The following ZBTB8OS variants were observed in gnomAD, a reference collection of about 807,000 sequenced individuals.
ZBTB8OS encodes tRNA-splicing ligase-activating factor archease.
A neutral mutation model predicts 29.3 loss-of-function variants in ZBTB8OS; 16 were observed. That is an observed-to-expected ratio of 0.55 (90% CI 0.37 to 0.83). The LOEUF (loss-of-function observed/expected upper bound fraction) is 0.83, where lower values mean the gene tolerates loss of function less well. Ranked by LOEUF, ZBTB8OS falls within the 40% of genes least tolerant of loss-of-function variation. ZBTB8OS has a pLI of 0.00. For missense variants in ZBTB8OS, 160 were observed against 196.9 expected (o/e 0.81, Z 1.12); for synonymous variants, 70 against 64.6 (o/e 1.08, Z -0.40).
At position 32,621,398 on chromosome 1, in the gene ZBTB8OS, C is replaced by CAA. The variant is rs879079549; in HGVS notation, c.*462_*463dup. 74 of 60,796 alleles carry CAA rather than the reference C, an allele frequency of 1.2e-3. No individual in the cohort carries two copies. Among genetic ancestry groups the CAA allele is most frequent in the African/African-American group, 3.0e-3 (60 of 19,834 alleles). 3.8% of individuals were successfully genotyped at this position (60,796 alleles called of 1,614,324 possible). On this transcript the variant is annotated 3_prime_UTR_variant, in exon 7 of 7. Coordinates refer to ENST00000468695, the MANE Select transcript of ZBTB8OS (RefSeq NM_178547.5). ...TGGGCTACAGAGCGAGACTCCGTCT[C>CAA]AAAAAAAAAAAAAAAAAAGAAACAA...
intron 6 of ZBTB8OS, among the ~76,000 whole-genome samples, chr1:32,624,234 AC>A (rs1258080721): frequency 6.6e-6 from 1 of 150,826 alleles, no homozygotes; most frequent in Non-Finnish European, 1.5e-5. Context: ...TTTTCTGACT[AC>A]CCCCTCCCCT....
upstream of ZBTB8OS, chr1:32,650,848 G>A (rs912400780): frequency 1.2e-5 from 6 of 498,254 alleles, no homozygotes; most frequent in African/African-American, 2.0e-5. Context: ...CCCCAAAATT[G>A]ATAACTAGAC....
At chr1:32,634,104 C>T (rs1645774299) in intron 2 of ZBTB8OS, 32 bp from the exon 3 acceptor site, 2 of 1,402,536 alleles carry the variant, frequency 1.4e-6, no homozygotes, top group Non-Finnish European at 9.3e-7. Context: ...CTGTGTAATA[C>T]AATCCACTGC....
rs1470388718 is a variant in ZBTB8OS, at chr1:32,621,338, G to A, written c.*524C>T. On this transcript the variant is annotated 3_prime_UTR_variant, in exon 7 of 7. Coordinates refer to ENST00000468695, the MANE Select transcript of ZBTB8OS (RefSeq NM_178547.5). Reference sequence around the variant, plus strand: ...GGCGTGAACCCGGGAGGTGGAGCTTGCAGTAAGCCGAGCTCACACCACTGC... The same window carrying A: ...GGCGTGAACCCGGGAGGTGGAGCTTACAGTAAGCCGAGCTCACACCACTGC... The A allele has an allele frequency of 6.6e-6, 1 of 150,442 alleles. No individual in the cohort carries two copies. The highest frequency in any genetic ancestry group is 1.9e-4 in the East Asian group (1 of 5,132). The allele number at this position is 150,442 out of a possible 1,614,324, so 9.3% of individuals were successfully genotyped here. A position where few individuals can be genotyped will look rare whatever the true frequency, so the allele number is the denominator to read the frequency against.
intron 1 of ZBTB8OS, among the ~76,000 whole-genome samples, chr1:32,635,281 T>TC (rs1404787277): frequency 6.6e-6 from 1 of 151,790 alleles, no homozygotes; most frequent in African/African-American, 2.4e-5. Flanking sequence ...TGACTCTTTT[T>TC]TTTTTTTTTA....
At chr1:32,627,581 T>A in intron 5 of ZBTB8OS, 37 bp from the exon 6 acceptor site, 2 of 1,594,416 alleles carry the variant, frequency 1.3e-6, no homozygotes, top group Non-Finnish European at 1.7e-6. Flanking sequence ...TAAGATTTGT[T>A]CTCTCTTTAT....
chr1:32,650,861 G>C (rs1316906452), upstream of ZBTB8OS: 2 of 487,218 alleles, frequency 4.1e-6, no homozygotes, highest in Non-Finnish European at 7.3e-6. Flanking sequence ...AACTAGACCC[G>C]AAGGCATTCT....
In ZBTB8OS at chr1:32,621,429, A is replaced by G. The variant is rs1644751580; in HGVS notation, c.*433T>C. On this transcript the variant is annotated 3_prime_UTR_variant, in exon 7 of 7. Transcript: ENST00000468695. ...AAAAAAAAAAAAAGAAACAAAATAT[A>G]TGTCTTAACCAACTTGGAAGAAAAA... is the stretch of plus-strand genomic sequence containing the variant. The G allele has an allele frequency of 6.5e-6, 1 of 154,084 alleles. No individual in the cohort carries two copies. The highest frequency in any genetic ancestry group is 1.4e-5 in the Non-Finnish European group (1 of 69,732). The allele number at this position is 154,084 out of a possible 1,614,324, so 9.5% of individuals were successfully genotyped here.
chr1:32,639,987 A>G (rs1402371237), intron 1 of ZBTB8OS: 11 of 152,200 alleles, frequency 7.2e-5, no homozygotes, highest in Admixed American at 6.5e-4. Context: ...CAATTAATTC[A>G]TCATAACCAG....
intron 2 of ZBTB8OS, 147 bp from the exon 3 acceptor site, chr1:32,634,219 CTTTTT>C (rs1645787211): frequency 1.1e-5 from 6 of 564,816 alleles, no homozygotes; most frequent in South Asian, 5.8e-5. Context: ...AGGTGCTTTT[CTTTTT>C]ATTATTTATT....
At chr1:32,639,515 C>T (rs1355379541) in intron 1 of ZBTB8OS, among the ~76,000 whole-genome samples, 1 of 152,072 alleles carries the variant, frequency 6.6e-6, no homozygotes, top group Non-Finnish European at 1.5e-5. Flanking sequence ...ACCCCAGCAA[C>T]TGAAGAGGCT....
chr1:32,621,626 C>T lies in ZBTB8OS; in HGVS notation c.*236G>A, dbSNP rs1644761925. On this transcript the variant is annotated 3_prime_UTR_variant, in exon 7 of 7. Transcript: ENST00000468695. ...CTGCCACAGCAGAGAATCAAAGGAC[C>T]ATAACTGTCCCTTGGGGGGTTGAAG... 1 of 474,040 alleles carries T rather than the reference C, an allele frequency of 2.1e-6. No individual in the cohort carries two copies. The highest frequency in any genetic ancestry group is 3.7e-6 in the Non-Finnish European group (1 of 270,968). 29.4% of individuals were successfully genotyped at this position (474,040 alleles called of 1,614,324 possible). A position where few individuals can be genotyped will look rare whatever the true frequency, so the allele number is the denominator to read the frequency against.
intron 1 of ZBTB8OS, among the ~76,000 whole-genome samples, chr1:32,644,667 C>T (rs1205525124): frequency 2.0e-5 from 3 of 146,966 alleles, no homozygotes; most frequent in Admixed American, 6.9e-5. Flanking sequence ...CCAGTAGGTG[C>T]GACTACAGGA....
At chr1:32,650,716 A>C, upstream of ZBTB8OS, 2 of 1,007,584 alleles carry the variant, frequency 2.0e-6, no homozygotes, top group Non-Finnish European at 2.9e-6. Context: ...AAAAAGCCAA[A>C]ACCCCATCTT....
intron 3 of ZBTB8OS, 97 bp from the exon 4 acceptor site, chr1:32,633,824 G>C: frequency 6.8e-7 from 1 of 1,471,524 alleles, no homozygotes; most frequent in Non-Finnish European, 9.1e-7. Flanking sequence ...TCAGTTTAAA[G>C]AGAAAGAAAA....
At chr1:32,640,039 T>C (rs1279707789) in intron 1 of ZBTB8OS, 1 of 152,206 alleles carries the variant, frequency 6.6e-6, no homozygotes, top group East Asian at 1.9e-4. Context: ...ACTGCTTTAC[T>C]TAACTAGCCT....
intron 1 of ZBTB8OS, among the ~76,000 whole-genome samples, chr1:32,635,752 A>T (rs1201263205): frequency 6.6e-6 from 1 of 152,114 alleles, no homozygotes; most frequent in African/African-American, 2.4e-5. Flanking sequence ...CTTACTTCTA[A>T]CCTGTAAATT....
chr1:32,647,913 G>A (rs1570761354), intron 1 of ZBTB8OS, among the ~76,000 whole-genome samples: 1 of 152,054 alleles, frequency 6.6e-6, no homozygotes, highest in Non-Finnish European at 1.5e-5. Context: ...TACAACCCCC[G>A]TTGGTGGAAA....
intron 6 of ZBTB8OS, among the ~76,000 whole-genome samples, chr1:32,625,091 C>T (rs1186689056): frequency 1.3e-5 from 2 of 149,514 alleles, no homozygotes; most frequent in East Asian, 3.9e-4. Context: ...GGCATGGTTG[C>T]ATGGGCCTGT....
Sources: gnomAD v4.1 joint callset for allele counts (sites outside exome capture counted in the v4.1 genomes callset) on GRCh38, gnomAD v4.1.1 for gene constraint, MANE v1.5 for transcripts, NCBI Gene and HGNC (gene_info 2026-07-23, HGNC 2026-07-21) for gene names.